CA1: variants seen among roughly 807,000 people sequenced by gnomAD.
CA1 encodes carbonic anhydrase 1.
In CA1, 27 loss-of-function variants were observed where a neutral mutation model predicts 28.8. That is an observed-to-expected ratio of 0.94 (90% CI 0.69 to 1.29). The LOEUF (loss-of-function observed/expected upper bound fraction) is 1.29, where lower values mean the gene tolerates loss of function less well. CA1 is among the 50% of genes most tolerant of loss of function. The pLI, the probability that CA1 is intolerant of heterozygous loss-of-function variation, is 0.00. For synonymous variants in CA1, 121 were observed against 108.8 expected (o/e 1.11, Z -0.70); for missense variants, 335 against 310.5 (o/e 1.08, Z -0.59).
chr8:85,337,243 C>T (rs1808699915), intron 3 of CA1, 180 bp from the exon 4 acceptor site: 2 of 617,730 alleles, frequency 3.2e-6, no homozygotes, highest in Admixed American at 4.7e-5. Context: ...TATGGTGCAC[C>T]CCTGACTGTG....
intron 3 of CA1, 95 bp downstream of exon 3, chr8:85,338,157 A>T: frequency 9.2e-7 from 1 of 1,081,158 alleles, no homozygotes; most frequent in Non-Finnish European, 1.4e-6. Flanking sequence ...CAAGCACAAA[A>T]GACTTAGAAT....
chr8:85,373,133 C>T lies in CA1; in HGVS notation c.-25+4913G>A, dbSNP rs906375415. Among the ~76,000 whole-genome samples, 13 of 152,166 alleles carry T rather than the reference C, an allele frequency of 8.5e-5. No individual in the cohort carries two copies. In the East Asian group the frequency reaches 9.6e-4, roughly 11 times the overall value. ...AATTGTGAAGGAGGAAAAAGAAATT[C>T]GTGCTAGTGTTGGTGTTGCAACTCA... On this transcript the variant is annotated intron_variant, in intron 1 of 7. Transcript: ENST00000523022.
Position 85,329,863 on chromosome 8 carries a change from T to C in CA1, c.514-19A>G. ...GTTTGCCCTGGAAGAAAAGAATACA[T>C]CATTACAGCATGATATAAAATACTT... On this transcript the variant is annotated intron_variant, in intron 6 of 7. Coordinates refer to ENST00000523022, the MANE Select transcript of CA1 (RefSeq NM_001128831.4). The C allele has an allele frequency of 6.4e-7, 1 of 1,555,656 alleles. No homozygotes were observed. The highest frequency in any genetic ancestry group is 8.8e-7 in the Non-Finnish European group (1 of 1,142,504).
chr8:85,371,789 A>G (rs1381996106), intron 1 of CA1, among the ~76,000 whole-genome samples: 1 of 152,230 alleles, frequency 6.6e-6, no homozygotes, highest in Non-Finnish European at 1.5e-5. Flanking sequence ...ATTACAGAGC[A>G]GCAAGGTTCT....
intron 1 of CA1, among the ~76,000 whole-genome samples, chr8:85,362,864 C>T (rs976092869): frequency 3.9e-5 from 6 of 151,924 alleles, no homozygotes; most frequent in African/African-American, 1.2e-4. Flanking sequence ...AATATCAATG[C>T]TGATATTAGC....
intron 3 of CA1, 138 bp downstream of exon 3, chr8:85,338,114 A>G (rs752774120): frequency 2.4e-6 from 2 of 850,568 alleles, no homozygotes; most frequent in South Asian, 2.7e-5. Flanking sequence ...CAGAAGTCCA[A>G]GATGCCTCAC....
At chr8:85,341,820 G>A (rs2130223551) in intron 1 of CA1, 161 bp from the exon 2 acceptor site, 1 of 549,146 alleles carries the variant, frequency 1.8e-6, no homozygotes. Flanking sequence ...TAAAAAAAAG[G>A]TGTTGTAAAA....
At chr8:85,339,836 T>C (rs1160985543) in intron 2 of CA1, among the ~76,000 whole-genome samples, 1 of 152,218 alleles carries the variant, frequency 6.6e-6, no homozygotes, top group Non-Finnish European at 1.5e-5. Context: ...CCACATTCCC[T>C]TAAGCCGAAT....
intron 6 of CA1, 48 bp downstream of exon 6, chr8:85,332,442 C>T: frequency 7.2e-7 from 1 of 1,389,528 alleles, no homozygotes; most frequent in Non-Finnish European, 1.0e-6. Flanking sequence ...TTCCATAGAT[C>T]TGTAAATTCT....
At chr8:85,374,754 CT>C (rs1283853893) in intron 1 of CA1, among the ~76,000 whole-genome samples, 2 of 152,178 alleles carry the variant, frequency 1.3e-5, no homozygotes, top group African/African-American at 2.4e-5. Context: ...AGGAAGCACA[CT>C]TTCACTTTTC....
intron 4 of CA1, among the ~76,000 whole-genome samples, chr8:85,334,495 C>T (rs1204256626): frequency 6.6e-6 from 1 of 152,120 alleles, no homozygotes; most frequent in Admixed American, 6.6e-5. Context: ...ATAATTCTTT[C>T]CTGATCATCC....
At chr8:85,369,887 A>G (rs113298361) in intron 1 of CA1, among the ~76,000 whole-genome samples, 185 of 152,324 alleles carry the variant, frequency 1.2e-3, no homozygotes, top group African/African-American at 3.8e-3. Flanking sequence ...ACTTGTATGT[A>G]GAGGATAGGA....
At chr8:85,332,916 A>G (rs1808471228) in intron 5 of CA1, among the ~76,000 whole-genome samples, 1 of 152,168 alleles carries the variant, frequency 6.6e-6, no homozygotes, top group South Asian at 2.1e-4. Context: ...GGCATATTGT[A>G]AGTGCTCAGT....
chr8:85,350,991 G>A (rs1040897097), intron 1 of CA1, among the ~76,000 whole-genome samples: 1 of 152,178 alleles, frequency 6.6e-6, no homozygotes, highest in Non-Finnish European at 1.5e-5. Flanking sequence ...GGCTCCAAGA[G>A]TCCTCATACA....
chr8:85,329,813 G>A lies in CA1; in HGVS notation c.545C>T (p.Pro182Leu), dbSNP rs1254324074. 8 of 1,599,306 alleles carry A rather than the reference G, an allele frequency of 5.0e-6. No homozygotes were observed. Among genetic ancestry groups the A allele is most frequent in the Non-Finnish European group, 6.8e-6 (8 of 1,171,522 alleles). ...GKRAPFTNFDPSTLLPSSLDF... is the reference protein window; with the variant it reads ...GKRAPFTNFDLSTLLPSSLDF... ...CAGGGATGAAGGAAGGAGAGTAGAG[G>A]GGTCAAAATTTGTGAATGGGGCTCG... The change falls in exon 7 of 8, where the codon CCC becomes CTC. Residue 182 changes from proline to leucine, a missense_variant. Transcript: ENST00000523022.
intron 1 of CA1, among the ~76,000 whole-genome samples, chr8:85,361,476 A>C (rs1470878657): frequency 6.6e-6 from 1 of 152,136 alleles, no homozygotes; most frequent in Admixed American, 6.5e-5. Flanking sequence ...CGGAAGTTTG[A>C]GACCAGCCTG....
intron 1 of CA1, among the ~76,000 whole-genome samples, chr8:85,370,970 C>T (rs1480288370): frequency 6.6e-6 from 1 of 152,208 alleles, no homozygotes; most frequent in East Asian, 1.9e-4. Flanking sequence ...TCTTCTATCA[C>T]CTTTGGTTGT....
chr8:85,345,664 T>C (rs1269118035), intron 1 of CA1, among the ~76,000 whole-genome samples: 1 of 152,216 alleles, frequency 6.6e-6, no homozygotes, highest in Non-Finnish European at 1.5e-5. Flanking sequence ...GGACTATGCT[T>C]ACCCAAGTGC....
chr8:85,358,050 A>G (rs116275100), intron 1 of CA1, among the ~76,000 whole-genome samples: 162 of 152,352 alleles, frequency 1.1e-3, no homozygotes, highest in African/African-American at 3.6e-3. Flanking sequence ...CATTAGCATT[A>G]TAGTTTATGA....
Sources: allele counts gnomAD v4.1 joint callset (sites outside exome capture counted in the v4.1 genomes callset), GRCh38; gene constraint gnomAD v4.1.1; transcripts MANE v1.5; gene names NCBI Gene and HGNC (gene_info 2026-07-23, HGNC 2026-07-21).